The following RASGRF1 variants were observed in gnomAD, a reference collection of about 807,000 sequenced individuals.
RASGRF1 encodes ras-specific guanine nucleotide-releasing factor 1.
Under a neutral mutation model 138.7 loss-of-function variants are expected in RASGRF1, and 40 were observed. The ratio of observed to expected loss-of-function variants is 0.29; its 90% CI spans 0.22 to 0.38. The LOEUF is 0.38. Among genes scored for constraint, RASGRF1 ranks in the 10% least tolerant of loss-of-function variants. The probability of loss-of-function intolerance (pLI) is 1.00; values close to 1 mark genes in which losing one functional copy is unlikely to be tolerated. For missense variants in RASGRF1, 1,108 were observed against 1,650.4 expected, an observed-to-expected ratio of 0.67 and a Z score of 5.69; for synonymous variants, 614 against 663.2, an observed-to-expected ratio of 0.93 and a Z score of 1.14.
Position 79,064,448 on chromosome 15 carries a change from C to T in RASGRF1, c.355G>A (p.Glu119Lys), listed in dbSNP as rs144681233. ...LRTEDAKDCD[E>K]WVAAIAHASY... Reference sequence around the variant, plus strand: ...GCATGTGCAATGGCTGCCACCCATTCGTCACAATCTTTTGCGTCCTCTGTC... The same window carrying T: ...GCATGTGCAATGGCTGCCACCCATTTGTCACAATCTTTTGCGTCCTCTGTC... The change falls in exon 2 of 27, where the codon GAA (glutamate) becomes AAA (lysine). Residue 119 changes from glutamate (E) to lysine (K), a missense_variant. This residue lies in a region of RASGRF1 where 253 missense variants were observed against 329.5 expected (regional missense o/e 0.77). Transcript: ENST00000558480. 12 of 1,614,046 alleles carry T rather than the reference C, an allele frequency of 7.4e-6. No individual in the cohort carries two copies. Among genetic ancestry groups the T allele is most frequent in the African/African-American group, 5.3e-5 (4 of 74,908 alleles).
At chr15:78,990,147 AAGAAAAACCCC>A in intron 22 of RASGRF1, 31 bp downstream of exon 22, 1 of 1,478,972 alleles carries the variant, frequency 6.8e-7, no homozygotes, top group Non-Finnish European at 9.5e-7. Context: ...CGTCTTGCCA[AAGAAAAACCCC>A]AGTGAGAGAG....
intron 1 of RASGRF1, among the ~76,000 whole-genome samples, chr15:79,081,887 C>T (rs577469601): frequency 6.6e-6 from 1 of 152,302 alleles, no homozygotes; most frequent in South Asian, 2.1e-4. Context: ...AAATCCTCTC[C>T]CTTGTTAATT....
At chr15:78,970,920 G>A (rs1183219317) in intron 26 of RASGRF1, among the ~76,000 whole-genome samples, 1 of 151,344 alleles carries the variant, frequency 6.6e-6, no homozygotes, top group Non-Finnish European at 1.5e-5. Flanking sequence ...CTCCTTTCAG[G>A]GCTTCCTATG....
intron 20 of RASGRF1, 53 bp from the exon 21 acceptor site, chr15:78,991,847 T>A: frequency 6.9e-7 from 1 of 1,441,042 alleles, no homozygotes; most frequent in Non-Finnish European, 9.7e-7. Context: ...GACGGACACC[T>A]CCTGGATTCC....
At position 79,064,433 on chromosome 15, in the gene RASGRF1, T is replaced by C; in HGVS notation, c.370A>G (p.Ile124Val). The C allele has an allele frequency of 8.1e-6, 13 of 1,614,152 alleles. No homozygotes were observed. The highest frequency in any genetic ancestry group is 1.1e-5 in the Non-Finnish European group (13 of 1,179,978). ...AAGGAGACATACCTGGCATGTGCAA[T>C]GGCTGCCACCCATTCGTCACAATCT... is the stretch of plus-strand genomic sequence containing the variant. The part of the protein sequence containing the change: ...AKDCDEWVAA[I>V]AHASYRTLAT... Residue 124 changes from isoleucine to valine, a missense_variant, in exon 2 of 27, where the codon ATT becomes GTT. Around this residue, in one of 3 missense-constraint regions of RASGRF1, gnomAD observed 253 missense variants for 329.5 expected, o/e 0.77. Transcript: ENST00000558480.
intron 25 of RASGRF1, 125 bp from the exon 26 acceptor site, chr15:78,972,059 C>G (rs558907320): frequency 1.2e-6 from 1 of 847,568 alleles, no homozygotes; most frequent in East Asian, 2.4e-5. Flanking sequence ...TACATGTTGC[C>G]TCCTGGAAGG....
chr15:79,063,417 A>G (rs1452608961), intron 2 of RASGRF1, among the ~76,000 whole-genome samples: 1 of 152,198 alleles, frequency 6.6e-6, no homozygotes, highest in Non-Finnish European at 1.5e-5. Context: ...GGATCCATCT[A>G]TCAAACCATA....
At chr15:78,988,838 A>ATT (rs768999822) in intron 22 of RASGRF1, among the ~76,000 whole-genome samples, 3 of 43,026 alleles carry the variant, frequency 7.0e-5, no homozygotes, top group East Asian at 6.6e-4. Context: ...GCTGGGAGGG[A>ATT]GTTTTTTTTT....
rs1596312165 is a variant in RASGRF1 at position 78,973,067 on chromosome 15, A to C, written c.3612+236T>G. Among the ~76,000 whole-genome samples the C allele has an allele frequency of 6.6e-6, 1 of 152,176 alleles. No homozygotes were observed. Among genetic ancestry groups the C allele is most frequent in the East Asian group, 1.9e-4 (1 of 5,192 alleles). ...AGAATAAGAAGAGCAGCTACCTCTCAGACTGTCAGGACTAGAGGAGGAAAT... is the reference window on the plus strand; with the variant it reads ...AGAATAAGAAGAGCAGCTACCTCTCCGACTGTCAGGACTAGAGGAGGAAAT... On this transcript the variant is annotated intron_variant, in intron 25 of 26. Coordinates refer to ENST00000558480, the MANE Select transcript of RASGRF1 (RefSeq NM_001145648.3). The surrounding 1 kb of genome is among the most constrained non-coding windows in gnomAD (Gnocchi z 4.9).
chr15:79,061,847 C>A (rs2141058380), intron 2 of RASGRF1, among the ~76,000 whole-genome samples: 1 of 152,320 alleles, frequency 6.6e-6, no homozygotes, highest in South Asian at 2.1e-4. Context: ...GACTATCATG[C>A]ATAAAGCTGC....
Position 79,049,417 on chromosome 15 carries a change from G to T in RASGRF1, c.624+79C>A. ...CACGCTCTGAGGACAGTGGGGCTGTGGTGTGGATACTGCCAACCCTGGGCT... is the reference window on the plus strand; with the variant it reads ...CACGCTCTGAGGACAGTGGGGCTGTTGTGTGGATACTGCCAACCCTGGGCT... On this transcript the variant is annotated intron_variant, in intron 4 of 26. Coordinates refer to ENST00000558480, the MANE Select transcript of RASGRF1 (RefSeq NM_001145648.3). 3.8e-6 allele frequency: 5 copies of T among 1,329,420 alleles called. No individual in the cohort carries two copies. The South Asian group carries it at 4.9e-5, about 13-fold the overall frequency. 82.4% of individuals were successfully genotyped at this position (1,329,420 alleles called of 1,614,324 possible).
intron 13 of RASGRF1, among the ~76,000 whole-genome samples, chr15:79,014,276 C>T (rs2056844075): frequency 6.6e-6 from 1 of 152,032 alleles, no homozygotes; most frequent in Non-Finnish European, 1.5e-5. Flanking sequence ...AGTCATTACG[C>T]AAAAAAGATC....
chr15:79,003,700 C>T lies in RASGRF1; in HGVS notation c.2449+102G>A. 4 of 1,475,698 alleles carry T rather than the reference C, an allele frequency of 2.7e-6. No individual in the cohort carries two copies. The South Asian group carries it at 4.1e-5, about 15-fold the overall frequency. The allele number at this position is 1,475,698 out of a possible 1,614,324, so 91.4% of individuals were successfully genotyped here. A position where few individuals can be genotyped will look rare whatever the true frequency, so the allele number is the denominator to read the frequency against. ...GACCCCCAAGCCTCTCCCTTCCTTCCCCATGGGAGCAGGAAGAGCAGCCCT... is the reference window on the plus strand; with the variant it reads ...GACCCCCAAGCCTCTCCCTTCCTTCTCCATGGGAGCAGGAAGAGCAGCCCT... On this transcript the variant is annotated intron_variant, in intron 15 of 26. Transcript: ENST00000558480.
Position 78,971,229 on chromosome 15 carries a change from G to A in RASGRF1, c.3681+637C>T, listed in dbSNP as rs151179141. Among the ~76,000 whole-genome samples the A allele has an allele frequency of 3.3e-5, 5 of 152,246 alleles. No individual in the cohort carries two copies. In the East Asian group the frequency reaches 9.6e-4, roughly 29 times the overall value. On this transcript the variant is annotated intron_variant, in intron 26 of 26. Coordinates refer to ENST00000558480, the MANE Select transcript of RASGRF1 (RefSeq NM_001145648.3). Reference sequence around the variant, plus strand: ...TTCTGGATGTACAAAGTATTTCTTTGTGCCTTGTCTGTAGCAGCAAAAGAT... The same window carrying A: ...TTCTGGATGTACAAAGTATTTCTTTATGCCTTGTCTGTAGCAGCAAAAGAT...
chr15:78,970,510 C>T (rs998166164), intron 26 of RASGRF1, among the ~76,000 whole-genome samples: 1 of 149,246 alleles, frequency 6.7e-6, no homozygotes, highest in Non-Finnish European at 1.5e-5. Context: ...CTGATCCCAG[C>T]TATGCGGGAG....
Position 78,999,745 on chromosome 15 carries a change from G to A in RASGRF1, c.2744C>T (p.Ala915Val). Residue 915 changes from alanine (A) to valine (V), a missense_variant and splice_region_variant, in exon 17 of 27, where the codon GCA becomes GTA. This residue lies in a region of RASGRF1 where 686 missense variants were observed against 976.7 expected (regional missense o/e 0.70). Transcript: ENST00000558480. ...TGAGTGGAGAACACCCCACATACCT[G>A]CACTGGCTAAGGACATCCTCCGGTA... ...EKYRRMSLAS[A>V]GFPPDQRNGD... 6.2e-7 allele frequency: 1 copy of A among 1,613,470 alleles called. No homozygotes were observed. The highest frequency in any genetic ancestry group is 2.2e-5 in the East Asian group (1 of 44,876).
intron 1 of RASGRF1, among the ~76,000 whole-genome samples, chr15:79,084,375 A>T (rs1429324826): frequency 6.6e-6 from 1 of 152,248 alleles, no homozygotes; most frequent in African/African-American, 2.4e-5. Context: ...AAGTGCAAGC[A>T]AAGGCTGACC....
chr15:79,082,431 G>C (rs2057926096), intron 1 of RASGRF1, among the ~76,000 whole-genome samples: 1 of 152,228 alleles, frequency 6.6e-6, no homozygotes, highest in South Asian at 2.1e-4. Context: ...AGGTCCCTGA[G>C]TGATCATCAT....
At chr15:79,054,904 C>T (rs1251561270) in intron 3 of RASGRF1, among the ~76,000 whole-genome samples, 2 of 152,078 alleles carry the variant, frequency 1.3e-5, no homozygotes, top group Non-Finnish European at 2.9e-5. Context: ...CCAGGGAAAC[C>T]CCTGGGAATC....
Sources: allele counts gnomAD v4.1 joint callset (sites outside exome capture counted in the v4.1 genomes callset), GRCh38; gene constraint gnomAD v4.1.1; regional missense constraint gnomAD v4.1.1; non-coding constraint Gnocchi (gnomAD v3.1); transcripts MANE v1.5; gene names NCBI Gene and HGNC (gene_info 2026-07-23, HGNC 2026-07-21).